The following NR1H4 variants were observed in gnomAD, a reference collection of about 807,000 sequenced individuals.
NR1H4 encodes the protein nuclear receptor subfamily 1 group H member 4, also known as bile acid receptor.
NR1H4 carries 23 observed loss-of-function variants against 58.5 expected under a neutral mutation model. That is an observed-to-expected ratio of 0.39 (90% CI 0.28 to 0.56). The LOEUF (loss-of-function observed/expected upper bound fraction) is 0.56. NR1H4 is among the 20% of genes least tolerant of loss of function. The pLI is 0.58. For missense variants in NR1H4, 487 were observed against 576.9 expected, an observed-to-expected ratio of 0.84 and a Z score of 1.60; for synonymous variants, 214 against 198.0, an observed-to-expected ratio of 1.08 and a Z score of -0.68.
At chr12:100,489,751 G>C (rs554794131) in intron 1 of NR1H4, among the ~76,000 whole-genome samples, 1 of 152,300 alleles carries the variant, frequency 6.6e-6, no homozygotes, top group African/African-American at 2.4e-5. Context: ...TAAGGAAAAT[G>C]GGTGTCTAAG....
intron 9 of NR1H4, among the ~76,000 whole-genome samples, chr12:100,553,115 C>T (rs1955242147): frequency 1.3e-5 from 2 of 152,118 alleles, no homozygotes; most frequent in African/African-American, 4.8e-5. Flanking sequence ...TCTCCTGCCT[C>T]AGCCTCCTGA....
In NR1H4 at chr12:100,532,285, C is replaced by A. The variant is rs1044785859; in HGVS notation, c.446-173C>A. ...TGAGAGATAAATTAAAAACAACAGG[C>A]TTCTCAACAACACAATGTCACATAA... On this transcript the variant is annotated intron_variant, in intron 4 of 10. Transcript: ENST00000392986. Among the ~76,000 whole-genome samples the A allele has an allele frequency of 8.5e-5, 13 of 152,328 alleles. 1 individual carries two copies. The South Asian group carries it at 2.5e-3, about 29-fold the overall frequency.
At chr12:100,562,543 T>A (rs1955499810) in intron 10 of NR1H4, among the ~76,000 whole-genome samples, 1 of 152,174 alleles carries the variant, frequency 6.6e-6, no homozygotes, top group Admixed American at 6.5e-5. Flanking sequence ...CCCAAGTCAT[T>A]AAAAAATTAC....
intron 9 of NR1H4, among the ~76,000 whole-genome samples, chr12:100,550,150 G>A (rs954865821): frequency 1.3e-5 from 2 of 152,212 alleles, no homozygotes; most frequent in African/African-American, 4.8e-5. Flanking sequence ...GAGTATTTAT[G>A]TTAATTGAGG....
intron 1 of NR1H4, among the ~76,000 whole-genome samples, chr12:100,478,403 G>A (rs1276528256): frequency 6.6e-6 from 1 of 152,126 alleles, no homozygotes; most frequent in Non-Finnish European, 1.5e-5. Context: ...CTTCTTTTCT[G>A]GAGAATCTAA....
At chr12:100,497,028 G>A (rs183643984) in intron 3 of NR1H4, among the ~76,000 whole-genome samples, 1 of 152,256 alleles carries the variant, frequency 6.6e-6, no homozygotes, top group African/African-American at 2.4e-5. Context: ...TGATGAGGGA[G>A]TGGAGGCGAG....
At chr12:100,518,137 G>A (rs895279156) in intron 4 of NR1H4, among the ~76,000 whole-genome samples, 3 of 152,180 alleles carry the variant, frequency 2.0e-5, no homozygotes, top group African/African-American at 4.8e-5. Flanking sequence ...TTTCTGTCTT[G>A]TGAACTGTGC....
chr12:100,519,752 T>C (rs1269298901), intron 4 of NR1H4, among the ~76,000 whole-genome samples: 2 of 152,096 alleles, frequency 1.3e-5, no homozygotes, highest in Non-Finnish European at 2.9e-5. Context: ...AATCCACCTA[T>C]CCTAGGATTC....
chr12:100,499,404 A>G (rs1171901659), intron 3 of NR1H4, among the ~76,000 whole-genome samples: 1 of 152,220 alleles, frequency 6.6e-6, no homozygotes, highest in Non-Finnish European at 1.5e-5. Flanking sequence ...GCTCTTCCAT[A>G]GCTGTAAGCA....
At chr12:100,549,491 A>G (rs893677074) in intron 9 of NR1H4, among the ~76,000 whole-genome samples, 1 of 152,144 alleles carries the variant, frequency 6.6e-6, no homozygotes, top group East Asian at 1.9e-4. Flanking sequence ...TCTTCATCAC[A>G]CCTTGAGACA....
chr12:100,481,807 G>A (rs1319580697), intron 1 of NR1H4, among the ~76,000 whole-genome samples: 3 of 152,038 alleles, frequency 2.0e-5, no homozygotes, highest in East Asian at 1.9e-4. Flanking sequence ...CCAGCTACTC[G>A]GGAGGCTGAG....
At chr12:100,562,136 A>G (rs1955490401) in intron 10 of NR1H4, 138 bp downstream of exon 10, 2 of 614,360 alleles carry the variant, frequency 3.3e-6, no homozygotes. Context: ...TCCAAATAGA[A>G]CCATTATTAA....
intron 3 of NR1H4, chr12:100,499,763 T>C (rs2136120168): frequency 2.3e-6 from 1 of 429,590 alleles, no homozygotes; most frequent in East Asian, 7.1e-5. Context: ...ATAAAAATAA[T>C]TGTAATGATA....
At chr12:100,496,497 T>TTTTA (rs921599316) in intron 3 of NR1H4, among the ~76,000 whole-genome samples, 1 of 152,130 alleles carries the variant, frequency 6.6e-6, no homozygotes, top group African/African-American at 2.4e-5. Context: ...TTCTACTCAT[T>TTTTA]TTTATTTAGG....
intron 3 of NR1H4, chr12:100,503,529 A>T (rs1593061318): frequency 1.3e-6 from 2 of 1,551,950 alleles, no homozygotes; most frequent in Admixed American, 1.8e-5. Flanking sequence ...TTTCAGGTCG[A>T]GCTCTTGCAA....
intron 4 of NR1H4, among the ~76,000 whole-genome samples, chr12:100,524,678 C>T (rs1182996180): frequency 6.6e-6 from 1 of 152,140 alleles, no homozygotes; most frequent in Non-Finnish European, 1.5e-5. Context: ...GTAAGAAGGG[C>T]ATATCATTAG....
chr12:100,522,131 T>G (rs1954437610), intron 4 of NR1H4, among the ~76,000 whole-genome samples: 1 of 149,922 alleles, frequency 6.7e-6, no homozygotes, highest in African/African-American at 2.5e-5. Context: ...ATGATGGTGA[T>G]GATGATAATG....
At chr12:100,523,804 G>A (rs949925483) in intron 4 of NR1H4, among the ~76,000 whole-genome samples, 2 of 152,148 alleles carry the variant, frequency 1.3e-5, no homozygotes, top group African/African-American at 4.8e-5. Flanking sequence ...GTACCAGTTT[G>A]TATGCCGGAG....
At chr12:100,504,775 A>G (rs1953918657) in intron 3 of NR1H4, among the ~76,000 whole-genome samples, 1 of 152,212 alleles carries the variant, frequency 6.6e-6, no homozygotes, top group Non-Finnish European at 1.5e-5. Context: ...ATGAATCCAG[A>G]TTTGTCTGCT....
Sources: gnomAD v4.1 joint callset for allele counts (sites outside exome capture counted in the v4.1 genomes callset) on GRCh38, gnomAD v4.1.1 for gene constraint, MANE v1.5 for transcripts, NCBI Gene and HGNC (gene_info 2026-07-23, HGNC 2026-07-21) for gene names.